Variants in OSBPL3 observed in about 807,000 individuals in gnomAD.
OSBPL3 encodes oxysterol-binding protein-related protein 3.
In OSBPL3, 65 loss-of-function variants were observed where a neutral mutation model predicts 120.1. The ratio of observed to expected loss-of-function variants is 0.54; its 90% CI spans 0.44 to 0.67. OSBPL3 has a LOEUF of 0.67. OSBPL3 is among the 30% of genes least tolerant of loss of function. The probability of loss-of-function intolerance (pLI) is 0.00; values close to 1 mark genes in which losing one functional copy is unlikely to be tolerated. For synonymous variants in OSBPL3, 416 were observed against 402.6 expected (o/e 1.03, Z -0.40); for missense variants, 1,004 against 1,082.1 (o/e 0.93, Z 1.01).
intron 15 of OSBPL3, among the ~76,000 whole-genome samples, chr7:24,832,206 C>CAA (rs35738897): frequency 0.01 from 988 of 95,566 alleles, 19 homozygotes; most frequent in African/African-American, 0.024. Flanking sequence ...GACCCTGTCT[C>CAA]AAAAAAAAAA....
Position 24,798,684 on chromosome 7 carries a change from T to A in OSBPL3, c.*1499A>T, listed in dbSNP as rs75716948. 1.3e-5 allele frequency: 2 copies of A among 152,450 alleles called. No individual in the cohort carries two copies. The highest frequency in any genetic ancestry group is 4.8e-5 in the African/African-American group (2 of 41,460). 9.4% of individuals were successfully genotyped at this position (152,450 alleles called of 1,614,324 possible). On this transcript the variant is annotated 3_prime_UTR_variant, in exon 23 of 23. Transcript: ENST00000313367. This position sits in a 1 kb window ranked among gnomAD's most constrained non-coding sequence, Gnocchi z 4.6. ...TATTTGGTGTGACAATGAAAAATCA[T>A]GCATTCTTTTCCTGTAATTATTTTA...
In OSBPL3 at chr7:24,863,225, C is replaced by T. The variant is rs747391351; in HGVS notation, c.845G>A (p.Gly282Asp). 2.5e-6 allele frequency: 4 copies of T among 1,613,970 alleles called. No homozygotes were observed. The highest frequency in any genetic ancestry group is 3.4e-6 in the Non-Finnish European group (4 of 1,179,822). The change falls in exon 9 of 23, where the codon GGC becomes GAC. Residue 282 changes from glycine to aspartate, a missense_variant. By Grantham distance (94) the Gly-to-Asp change is moderately conservative. Coordinates refer to ENST00000313367, the MANE Select transcript of OSBPL3 (RefSeq NM_015550.4). This position sits in a 1 kb window ranked among gnomAD's most constrained non-coding sequence, Gnocchi z 5.8. ...CTGCAGTGTTCCTTTAGCATCTTTG[C>T]CAATAGCTCTGGACCGCCACCTCCT... ...SHRRWRSRAI[G>D]KDAKGTLQVP...
chr7:24,915,657 T>C (rs1376761661), intron 1 of OSBPL3, among the ~76,000 whole-genome samples: 1 of 151,780 alleles, frequency 6.6e-6, no homozygotes, highest in Non-Finnish European at 1.5e-5. Context: ...CACTGCAGCC[T>C]CTGCCTCCTG....
At chr7:24,860,752 A>C (rs1800416144) in intron 10 of OSBPL3, among the ~76,000 whole-genome samples, 1 of 152,202 alleles carries the variant, frequency 6.6e-6, no homozygotes, top group South Asian at 2.1e-4. Flanking sequence ...TATGTATATC[A>C]ATAGTTTGTT....
chr7:24,827,154 G>T lies in OSBPL3; in HGVS notation c.1884+3614C>A, dbSNP rs1584266407. On this transcript the variant is annotated intron_variant, in intron 16 of 22. Transcript: ENST00000313367. This position sits in a 1 kb window ranked among gnomAD's most constrained non-coding sequence, Gnocchi z 5.1. ...TATTATACTAGTCATCCAGAAACCT[G>T]TACTCATTGTAGAGAGGCACAAGAA... is the stretch of plus-strand genomic sequence containing the variant. 6.6e-6 allele frequency among the ~76,000 whole-genome samples: 1 copy of T among 152,208 alleles called. No homozygotes were observed. Among genetic ancestry groups the T allele is most frequent in the Admixed American group, 6.5e-5 (1 of 15,280 alleles).
Position 24,824,002 on chromosome 7 carries a change from T to C in OSBPL3, c.1885-3764A>G, listed in dbSNP as rs1432828340. ...AGGGCAGTAAATGCATTTGTCTGAA[T>C]TGACCCAGCCCTGGAAGGAGATGCT... On this transcript the variant is annotated intron_variant, in intron 16 of 22. Transcript: ENST00000313367. The surrounding 1 kb of genome is among the most constrained non-coding windows in gnomAD (Gnocchi z 4.9). Among the ~76,000 whole-genome samples the C allele has an allele frequency of 6.6e-6, 1 of 152,240 alleles. No homozygotes were observed. The highest frequency in any genetic ancestry group is 2.4e-5 in the African/African-American group (1 of 41,466).
At chr7:24,905,947 G>A (rs1461435318) in intron 1 of OSBPL3, among the ~76,000 whole-genome samples, 3 of 152,132 alleles carry the variant, frequency 2.0e-5, no homozygotes, top group Admixed American at 2.0e-4. Context: ...CAGGAGAATT[G>A]CTTGAATCTG....
rs115440936 is a variant in OSBPL3, at chr7:24,856,109, C to T, written c.1028-3475G>A. Among the ~76,000 whole-genome samples, 1,072 of 152,264 alleles carry T rather than the reference C, an allele frequency of 7.0e-3. 14 individuals are homozygous for T. The highest frequency in any genetic ancestry group is 0.023 in the African/African-American group (972 of 41,542). On this transcript the variant is annotated intron_variant, in intron 10 of 22. Transcript: ENST00000313367. ...CCTCTTTCATTGAGTGTTCAAATAT[C>T]GGAAGGCAACTGTGGCATCTGCGAT...
At chr7:24,969,095 C>T (rs1327687101) in intron 1 of OSBPL3, among the ~76,000 whole-genome samples, 1 of 152,196 alleles carries the variant, frequency 6.6e-6, no homozygotes, top group Admixed American at 6.5e-5. Flanking sequence ...ACAGTTTGGA[C>T]CGATTTACAT....
chr7:24,862,384 T>C lies in OSBPL3; in HGVS notation c.871-615A>G, dbSNP rs979518008. ...GGCTTTCTCATTTATACTCAATTCC[T>C]TCCTCCTGGCAATAATCATCCATGT... is the stretch of plus-strand genomic sequence containing the variant. On this transcript the variant is annotated intron_variant, in intron 9 of 22. Coordinates refer to ENST00000313367, the MANE Select transcript of OSBPL3 (RefSeq NM_015550.4). The surrounding 1 kb of genome is among the most constrained non-coding windows in gnomAD (Gnocchi z 4.4). Among the ~76,000 whole-genome samples, 9 of 152,234 alleles carry C rather than the reference T, an allele frequency of 5.9e-5. No homozygotes were observed. Among genetic ancestry groups the C allele is most frequent in the African/African-American group, 1.9e-4 (8 of 41,464 alleles).
rs1795527426 is a variant in OSBPL3, at chr7:24,824,961, A to G, written c.1885-4723T>C. Among the ~76,000 whole-genome samples, 1 of 152,240 alleles carries G rather than the reference A, an allele frequency of 6.6e-6. No individual in the cohort carries two copies. ...GGCTGGAAAATGCTTGGTATGAAGC[A>G]GAAGAAGCAAGGCCAGTCTGGCAGA... On this transcript the variant is annotated intron_variant, in intron 16 of 22. Coordinates refer to ENST00000313367, the MANE Select transcript of OSBPL3 (RefSeq NM_015550.4). The surrounding 1 kb of genome is among the most constrained non-coding windows in gnomAD (Gnocchi z 4.9).
chr7:24,884,234 A>C (rs1429137454), intron 2 of OSBPL3, among the ~76,000 whole-genome samples: 1 of 152,214 alleles, frequency 6.6e-6, no homozygotes, highest in East Asian at 1.9e-4. Context: ...TGGAACTTGA[A>C]TTAACTTCTG....
At chr7:24,866,035 G>T in intron 6 of OSBPL3, 35 bp downstream of exon 6, 2 of 1,575,412 alleles carry the variant, frequency 1.3e-6, no homozygotes, top group Non-Finnish European at 1.7e-6. Context: ...AAGCCACCCC[G>T]TTCTCAGATT....
rs1211215858 is a variant in OSBPL3 at position 24,820,207 on chromosome 7, T to C, written c.1916A>G (p.His639Arg). Residue 639 changes from histidine (H) to arginine (R), a missense_variant, in exon 17 of 23, where the codon CAT becomes CGT. By Grantham distance (29) the His-to-Arg change is conservative (BLOSUM62 0). Coordinates refer to ENST00000313367, the MANE Select transcript of OSBPL3 (RefSeq NM_015550.4). The surrounding 1 kb of genome is among the most constrained non-coding windows in gnomAD (Gnocchi z 4.6). ...GAAAACAAAATTTCTAGACTCAGCATGACACGCAGAGATAGGCGGATGGTG... is the reference window on the plus strand; with the variant it reads ...GAAAACAAAATTTCTAGACTCAGCACGACACGCAGAGATAGGCGGATGGTG... ...VSHHPPISACHAESRNFVFWQ... is the reference protein window; with the variant it reads ...VSHHPPISACRAESRNFVFWQ... The C allele has an allele frequency of 6.2e-7, 1 of 1,612,788 alleles. No homozygotes were observed.
At position 24,967,785 on chromosome 7, in the gene OSBPL3, A is replaced by G. The variant is rs1816560266; in HGVS notation, c.-150+12101T>C. 6.6e-6 allele frequency among the ~76,000 whole-genome samples: 1 copy of G among 152,088 alleles called. No individual in the cohort carries two copies. The highest frequency in any genetic ancestry group is 1.5e-5 in the Non-Finnish European group (1 of 68,006). ...GGTAAAGGCCCCCTTAACTGTCACA[A>G]TTTTAACTAAACTGCTGACTCCCAG... On this transcript the variant is annotated intron_variant, in intron 1 of 22. Coordinates refer to ENST00000313367, the MANE Select transcript of OSBPL3 (RefSeq NM_015550.4). This position sits in a 1 kb window ranked among gnomAD's most constrained non-coding sequence, Gnocchi z 5.6.
Position 24,831,960 on chromosome 7 carries a change from G to A in OSBPL3, c.1747-1055C>T, listed in dbSNP as rs898497640. Among the ~76,000 whole-genome samples, 12 of 151,674 alleles carry A rather than the reference G, an allele frequency of 7.9e-5. No homozygotes were observed. The highest frequency in any genetic ancestry group is 2.9e-4 in the African/African-American group (12 of 41,288). ...CTCACGCCTGTAATCCCAGCACTTT[G>A]GGAGACCGAGGCAGGTGGATCTGCT... is the stretch of plus-strand genomic sequence containing the variant. On this transcript the variant is annotated intron_variant, in intron 15 of 22. Coordinates refer to ENST00000313367, the MANE Select transcript of OSBPL3 (RefSeq NM_015550.4). The surrounding 1 kb of genome is among the most constrained non-coding windows in gnomAD (Gnocchi z 4.0).
rs987431696 is a variant in OSBPL3 at position 24,898,372 on chromosome 7, G to C, written c.-149-5751C>G. Among the ~76,000 whole-genome samples the C allele has an allele frequency of 2.0e-5, 3 of 152,156 alleles. No homozygotes were observed. Among genetic ancestry groups the C allele is most frequent in the African/African-American group, 4.8e-5 (2 of 41,408 alleles). ...TGGGAGAGGAGTACTAAGTTTCTGG[G>C]AGATGAGTACTAAGGCTCAGTGTCC... On this transcript the variant is annotated intron_variant, in intron 1 of 22. Transcript: ENST00000313367. This position sits in a 1 kb window ranked among gnomAD's most constrained non-coding sequence, Gnocchi z 4.3.
At chr7:24,928,617 C>T (rs1811398641) in intron 1 of OSBPL3, among the ~76,000 whole-genome samples, 1 of 152,202 alleles carries the variant, frequency 6.6e-6, no homozygotes, top group African/African-American at 2.4e-5. Context: ...GTAACCATCG[C>T]TTCAATCAAC....
In OSBPL3 at chr7:24,815,101, G is replaced by C; in HGVS notation, c.2130C>G (p.Asn710Lys). ...IEHYGEIVIK[N>K]LHDDSCYCKV... ...TGCAGTAGCAGGAATCATCATGCAGGTTCTTGATGACAATCTCTCCATAGT... is the reference window on the plus strand; with the variant it reads ...TGCAGTAGCAGGAATCATCATGCAGCTTCTTGATGACAATCTCTCCATAGT... The change falls in exon 19 of 23, where the codon AAC becomes AAG. Residue 710 changes from asparagine (N) to lysine (K), a missense_variant. Asn to Lys is a moderately conservative substitution (Grantham distance 94). This residue lies in a region of OSBPL3 where 473 missense variants were observed against 568.0 expected (regional missense o/e 0.83). Coordinates refer to ENST00000313367, the MANE Select transcript of OSBPL3 (RefSeq NM_015550.4). This position sits in a 1 kb window ranked among gnomAD's most constrained non-coding sequence, Gnocchi z 5.1. 3 of 1,613,346 alleles carry C rather than the reference G, an allele frequency of 1.9e-6. No homozygotes were observed.
Sources: allele counts gnomAD v4.1 joint callset (sites outside exome capture counted in the v4.1 genomes callset), GRCh38; gene constraint gnomAD v4.1.1; regional missense constraint gnomAD v4.1.1; non-coding constraint Gnocchi (gnomAD v3.1); transcripts MANE v1.5; gene names NCBI Gene and HGNC (gene_info 2026-07-23, HGNC 2026-07-21).